The following NELL1 variants were observed in gnomAD, a reference collection of about 807,000 sequenced individuals.
NELL1 encodes neural EGFL like 1.
NELL1 carries 76 observed loss-of-function variants against 107.4 expected under a neutral mutation model. The ratio of observed to expected loss-of-function variants is 0.71; its 90% CI spans 0.59 to 0.86. NELL1 has a LOEUF of 0.86. NELL1 is among the 40% of genes least tolerant of loss of function. NELL1 has a pLI of 0.00. For missense variants in NELL1, 1,024 were observed against 1,005.5 expected, an observed-to-expected ratio of 1.02 and a Z score of -0.25; for synonymous variants, 353 against 341.2, an observed-to-expected ratio of 1.03 and a Z score of -0.38.
At chr11:21,527,362 T>C (rs1319351537) in intron 15 of NELL1, among the ~76,000 whole-genome samples, 2 of 152,180 alleles carry the variant, frequency 1.3e-5, no homozygotes, top group Non-Finnish European at 2.9e-5. Flanking sequence ...CCCGAGTCTC[T>C]AGAAAGTTCC....
At chr11:21,337,807 TCTTG>T (rs1253497681) in intron 14 of NELL1, among the ~76,000 whole-genome samples, 84 of 71,776 alleles carry the variant, frequency 1.2e-3, no homozygotes, top group Admixed American at 1.9e-3. Flanking sequence ...CTTCTTTCTT[TCTTG>T]CTTTCCTTCT....
intron 12 of NELL1, among the ~76,000 whole-genome samples, chr11:21,096,146 A>T (rs1219316220): frequency 6.6e-6 from 1 of 152,154 alleles, no homozygotes; most frequent in African/African-American, 2.4e-5. Flanking sequence ...CACTACCCAG[A>T]TCACCAGGCC....
At chr11:20,741,101 C>A (rs58217451) in intron 2 of NELL1, among the ~76,000 whole-genome samples, 1 of 151,568 alleles carries the variant, frequency 6.6e-6, no homozygotes, top group Non-Finnish European at 1.5e-5. Flanking sequence ...CCCCATCCCC[C>A]GTTTTAACTT....
chr11:21,118,719 C>T (rs1855294019), intron 13 of NELL1, among the ~76,000 whole-genome samples: 1 of 152,046 alleles, frequency 6.6e-6, no homozygotes, highest in Admixed American at 6.6e-5. Context: ...CCATTCTAGT[C>T]TCTTCTCAAA....
intron 12 of NELL1, among the ~76,000 whole-genome samples, chr11:21,041,563 T>C (rs1171873853): frequency 6.6e-6 from 1 of 152,178 alleles, no homozygotes; most frequent in Non-Finnish European, 1.5e-5. Flanking sequence ...TAAGTTGCTC[T>C]GTAAGACCAT....
At position 20,698,283 on chromosome 11, in the gene NELL1, T is replaced by G. The variant is rs577406377; in HGVS notation, c.184+20223T>G. On this transcript the variant is annotated intron_variant, in intron 2 of 19. Transcript: ENST00000357134. ...TGGCTTATTCTGGAAAATCATTAAA[T>G]GGCTTTGTGATTATCGTAGAGCAAA... 1.7e-4 allele frequency among the ~76,000 whole-genome samples: 26 copies of G among 152,292 alleles called. No individual in the cohort carries two copies. In the South Asian group the frequency reaches 5.4e-3, roughly 32 times the overall value.
At chr11:21,499,669 A>T (rs1279939966) in intron 15 of NELL1, among the ~76,000 whole-genome samples, 2 of 152,118 alleles carry the variant, frequency 1.3e-5, no homozygotes, top group Non-Finnish European at 2.9e-5. Flanking sequence ...CTATAAAGAT[A>T]AGAATTCTTC....
intron 3 of NELL1, among the ~76,000 whole-genome samples, chr11:20,810,734 G>A (rs531207011): frequency 1.5e-4 from 23 of 152,244 alleles, no homozygotes; most frequent in Middle Eastern, 3.4e-3. Flanking sequence ...TAGATACCCA[G>A]TAGTGGGATT....
At chr11:20,882,265 C>T (rs1026481502) in intron 4 of NELL1, among the ~76,000 whole-genome samples, 29 of 152,214 alleles carry the variant, frequency 1.9e-4, no homozygotes, top group African/African-American at 6.8e-4. Context: ...TTGTTTCATT[C>T]ATTCACTTTT....
At chr11:21,522,144 G>A (rs867131219) in intron 15 of NELL1, among the ~76,000 whole-genome samples, 15 of 151,636 alleles carry the variant, frequency 9.9e-5, no homozygotes, top group Middle Eastern at 3.4e-3. Flanking sequence ...TGAGGCAGGA[G>A]AATGGCATGA....
At chr11:21,102,734 A>G (rs1019792987) in intron 12 of NELL1, among the ~76,000 whole-genome samples, 1 of 152,160 alleles carries the variant, frequency 6.6e-6, no homozygotes, top group African/African-American at 2.4e-5. Flanking sequence ...CACCTTTTGC[A>G]TGGTGTTTTC....
chr11:21,226,838 G>C (rs1857905582), intron 13 of NELL1, among the ~76,000 whole-genome samples: 1 of 152,140 alleles, frequency 6.6e-6, no homozygotes, highest in Non-Finnish European at 1.5e-5. Context: ...TAAGAGTATG[G>C]GTTTGAAGTG....
intron 2 of NELL1, among the ~76,000 whole-genome samples, chr11:20,729,837 G>C (rs577784991): frequency 6.6e-6 from 1 of 152,278 alleles, no homozygotes; most frequent in South Asian, 2.1e-4. Context: ...GGTTGGGAAG[G>C]CAAGCTGTCT....
intron 2 of NELL1, among the ~76,000 whole-genome samples, chr11:20,692,706 C>A (rs1469344916): frequency 2.6e-5 from 4 of 151,888 alleles, no homozygotes; most frequent in African/African-American, 9.7e-5. Context: ...TTACTTCCAA[C>A]TATGTGGTCA....
At chr11:20,937,111 G>A (rs1247392689) in intron 9 of NELL1, among the ~76,000 whole-genome samples, 2 of 152,226 alleles carry the variant, frequency 1.3e-5, no homozygotes, top group Non-Finnish European at 2.9e-5. Context: ...AGCCAGTTAA[G>A]TCAAGAAATG....
chr11:21,457,574 G>A (rs954175247), intron 15 of NELL1, among the ~76,000 whole-genome samples: 13 of 152,148 alleles, frequency 8.5e-5, no homozygotes, highest in Admixed American at 7.2e-4. Context: ...GGTGGGTATG[G>A]AGTAAATTTA....
rs79916578 is a variant in NELL1, at chr11:21,549,766, A to G, written c.1787-10423A>G. 3.5e-3 allele frequency among the ~76,000 whole-genome samples: 534 copies of G among 151,998 alleles called. 3 individuals are homozygous for G. Among genetic ancestry groups the G allele is most frequent in the African/African-American group, 0.012 (500 of 41,520 alleles). On this transcript the variant is annotated intron_variant, in intron 16 of 19. Transcript: ENST00000357134. ...CAGTATTAAAGATTTTAAAAACGTAATATGAAAGATTGCCAAAGGTGGACA... is the reference window on the plus strand; with the variant it reads ...CAGTATTAAAGATTTTAAAAACGTAGTATGAAAGATTGCCAAAGGTGGACA...
intron 2 of NELL1, among the ~76,000 whole-genome samples, chr11:20,761,757 T>C (rs1430517768): frequency 6.6e-6 from 1 of 152,238 alleles, no homozygotes; most frequent in Non-Finnish European, 1.5e-5. Flanking sequence ...TGGTTTTGCA[T>C]GTGTGATAAA....
intron 13 of NELL1, among the ~76,000 whole-genome samples, chr11:21,198,377 A>G (rs960376103): frequency 6.6e-6 from 1 of 152,218 alleles, no homozygotes; most frequent in Non-Finnish European, 1.5e-5. Flanking sequence ...GAGGGCAATT[A>G]GATTTGACCC....
Sources: gnomAD v4.1 joint callset for allele counts (sites outside exome capture counted in the v4.1 genomes callset) on GRCh38, gnomAD v4.1.1 for gene constraint, MANE v1.5 for transcripts, NCBI Gene and HGNC (gene_info 2026-07-23, HGNC 2026-07-21) for gene names.